Variants in PCDH9 observed in about 807,000 individuals in gnomAD.
The protein encoded by PCDH9 is protocadherin-9.
A neutral mutation model predicts 70.6 loss-of-function variants in PCDH9; 24 were observed. That is an observed-to-expected ratio of 0.34 (90% CI 0.25 to 0.48). The LOEUF (loss-of-function observed/expected upper bound fraction) is 0.48. Among genes scored for constraint, PCDH9 ranks in the 20% least tolerant of loss-of-function variants. The probability of loss-of-function intolerance (pLI) is 0.99; values close to 1 mark genes in which losing one functional copy is unlikely to be tolerated. For synonymous variants in PCDH9, 562 were observed against 558.5 expected (o/e 1.01, Z -0.09); for missense variants, 1,281 against 1,503.6 (o/e 0.85, Z 2.45).
At position 66,747,487 on chromosome 13, in the gene PCDH9, A is replaced by G. The variant is rs2079388632; in HGVS notation, c.3139-116076T>C. 2.6e-5 allele frequency among the ~76,000 whole-genome samples: 4 copies of G among 152,232 alleles called. No individual in the cohort carries two copies. In the South Asian group the frequency reaches 8.3e-4, roughly 32 times the overall value. On this transcript the variant is annotated intron_variant, in intron 3 of 4. Transcript: ENST00000377865. ...GAATATTTTGTTCAAACTCCAGACC[A>G]GAAACAGATAAAGGATCCGTTTAAG...
intron 2 of PCDH9, among the ~76,000 whole-genome samples, chr13:67,196,377 T>C (rs2089066104): frequency 1.3e-5 from 2 of 152,036 alleles, no homozygotes; most frequent in Admixed American, 1.3e-4. Flanking sequence ...AACATAAATG[T>C]GTATTGATTA....
chr13:66,836,818 C>G (rs933519940), intron 3 of PCDH9, among the ~76,000 whole-genome samples: 2 of 152,082 alleles, frequency 1.3e-5, no homozygotes, highest in African/African-American at 4.8e-5. Flanking sequence ...ATTTTCTTTT[C>G]TTGAATTCCA....
chr13:66,787,847 T>A (rs1248051602), intron 3 of PCDH9, among the ~76,000 whole-genome samples: 1 of 152,152 alleles, frequency 6.6e-6, no homozygotes, highest in Non-Finnish European at 1.5e-5. Context: ...TATGACACAG[T>A]AATAAAGTGT....
intron 2 of PCDH9, among the ~76,000 whole-genome samples, chr13:67,109,795 T>C (rs1265334701): frequency 6.6e-6 from 1 of 152,200 alleles, no homozygotes; most frequent in Non-Finnish European, 1.5e-5. Context: ...TTTTTAATTT[T>C]AGGACAAGCT....
chr13:66,591,037 T>C (rs1197864161), intron 4 of PCDH9, among the ~76,000 whole-genome samples: 5 of 151,762 alleles, frequency 3.3e-5, no homozygotes, highest in Non-Finnish European at 7.4e-5. Context: ...TTTAAAAATA[T>C]GTACTTCACT....
At chr13:67,176,123 G>A (rs1566475531) in intron 2 of PCDH9, among the ~76,000 whole-genome samples, 1 of 152,144 alleles carries the variant, frequency 6.6e-6, no homozygotes, top group Non-Finnish European at 1.5e-5. Context: ...TAGCGAATGT[G>A]TCCAACTGGG....
intron 2 of PCDH9, among the ~76,000 whole-genome samples, chr13:67,010,777 G>T (rs1949294510): frequency 6.6e-6 from 1 of 151,860 alleles, no homozygotes; most frequent in African/African-American, 2.4e-5. Context: ...ATAATTTAAA[G>T]AAAAGTAATT....
intron 4 of PCDH9, among the ~76,000 whole-genome samples, chr13:66,472,545 G>A (rs114682237): frequency 7.8e-4 from 119 of 152,262 alleles, no homozygotes; most frequent in African/African-American, 2.7e-3. Flanking sequence ...ACCTAAGCCT[G>A]GGTGACAGAG....
chr13:66,990,393 C>T (rs1194390273), intron 2 of PCDH9, among the ~76,000 whole-genome samples: 2 of 151,486 alleles, frequency 1.3e-5, no homozygotes, highest in South Asian at 2.1e-4. Flanking sequence ...ATTTTTCATA[C>T]TCTAAAAGAA....
intron 3 of PCDH9, among the ~76,000 whole-genome samples, chr13:66,775,802 G>A (rs1054963267): frequency 6.6e-6 from 1 of 152,142 alleles, no homozygotes; most frequent in Non-Finnish European, 1.5e-5. Flanking sequence ...AGTTATGCAT[G>A]ACTTCTCAAC....
chr13:66,888,133 G>A (rs2082038072), intron 3 of PCDH9, among the ~76,000 whole-genome samples: 2 of 152,056 alleles, frequency 1.3e-5, no homozygotes, highest in African/African-American at 2.4e-5. Flanking sequence ...ATGGGAAATT[G>A]GCTAATCAAA....
intron 2 of PCDH9, among the ~76,000 whole-genome samples, chr13:67,032,739 G>T (rs529734432): frequency 1.4e-4 from 21 of 152,234 alleles, no homozygotes; most frequent in African/African-American, 4.6e-4. Flanking sequence ...TATATTCATA[G>T]CACAGAATTG....
chr13:66,769,317 G>C (rs2079767361), intron 3 of PCDH9, among the ~76,000 whole-genome samples: 1 of 152,050 alleles, frequency 6.6e-6, no homozygotes, highest in African/African-American at 2.4e-5. Flanking sequence ...TGGACCTATG[G>C]GAGTTTGATT....
intron 4 of PCDH9, among the ~76,000 whole-genome samples, chr13:66,354,375 T>A (rs1372403269): frequency 1.4e-5 from 1 of 71,470 alleles, no homozygotes; most frequent in Non-Finnish European, 2.9e-5. Context: ...GTTTTTCAGA[T>A]GAAGGTGATT....
chr13:66,887,073 A>ACC (rs1424451484), intron 3 of PCDH9, among the ~76,000 whole-genome samples: 1 of 120,916 alleles, frequency 8.3e-6, no homozygotes, highest in African/African-American at 3.1e-5. Context: ...ACACACACAC[A>ACC]CACACCCTGT....
rs1229610992 is a variant in PCDH9, at chr13:66,303,718, A to G, written c.*937T>C. ...GATAACAGTTTTCCATTACTCTCTC[A>G]CTTAATGGTACTAATTAAGTGATTT... On this transcript the variant is annotated 3_prime_UTR_variant, in exon 5 of 5. Coordinates refer to ENST00000377865, the MANE Select transcript of PCDH9 (RefSeq NM_203487.3). 6.6e-6 allele frequency: 1 copy of G among 152,362 alleles called. No individual in the cohort carries two copies. The highest frequency in any genetic ancestry group is 6.6e-5 in the Admixed American group (1 of 15,238). 9.4% of individuals were successfully genotyped at this position (152,362 alleles called of 1,614,324 possible).
chr13:66,827,448 GA>G (rs201515088), intron 3 of PCDH9, among the ~76,000 whole-genome samples: 2 of 151,650 alleles, frequency 1.3e-5, no homozygotes, highest in East Asian at 1.9e-4. Flanking sequence ...TAATAGTGAA[GA>G]AAAAAAATAA....
intron 2 of PCDH9, among the ~76,000 whole-genome samples, chr13:67,004,081 T>G (rs1275093664): frequency 1.3e-5 from 2 of 152,066 alleles, no homozygotes; most frequent in Non-Finnish European, 2.9e-5. Context: ...TGTAGTGTGG[T>G]GTTATCAGGA....
intron 3 of PCDH9, among the ~76,000 whole-genome samples, chr13:66,829,717 C>CA (rs562176354): frequency 0.26 from 13,620 of 52,476 alleles, 3,493 homozygotes; most frequent in East Asian, 0.42. Flanking sequence ...GACTCCGTCT[C>CA]AAAAAAAAAA....
Sources: gnomAD v4.1 joint callset for allele counts (sites outside exome capture counted in the v4.1 genomes callset) on GRCh38, gnomAD v4.1.1 for gene constraint, MANE v1.5 for transcripts, NCBI Gene and HGNC (gene_info 2026-07-23, HGNC 2026-07-21) for gene names.